The following EEFSEC variants were observed in gnomAD, a reference collection of about 807,000 sequenced individuals.
EEFSEC encodes the protein eukaryotic elongation factor, selenocysteine-tRNA specific, also known as selenocysteine-specific elongation factor.
In EEFSEC, 43 loss-of-function variants were observed where a neutral mutation model predicts 42.1. The ratio of observed to expected loss-of-function variants is 1.02; its 90% confidence interval spans 0.80 to 1.32. The LOEUF (loss-of-function observed/expected upper bound fraction) is 1.32, where lower values mean the gene tolerates loss of function less well. EEFSEC is among the 40% of genes most tolerant of loss of function. The pLI, the probability that EEFSEC is intolerant of heterozygous loss-of-function variation, is 0.00. For missense variants in EEFSEC, 745 were observed against 803.6 expected, an observed-to-expected ratio of 0.93 and a Z score of 0.88; for synonymous variants, 354 against 339.1, an observed-to-expected ratio of 1.04 and a Z score of -0.48.
intron 6 of EEFSEC, among the ~76,000 whole-genome samples, chr3:128,383,659 G>A (rs1245838908): frequency 1.3e-5 from 2 of 152,260 alleles, no homozygotes; most frequent in African/African-American, 2.4e-5. Context: ...TGGCCTGGAA[G>A]GCATCAGCCA....
At position 128,247,594 on chromosome 3, in the gene EEFSEC, A is replaced by G. The variant is rs552238538; in HGVS notation, c.524+551A>G. Among the ~76,000 whole-genome samples the G allele has an allele frequency of 7.9e-5, 12 of 152,382 alleles. No homozygotes were observed. The East Asian group carries it at 2.3e-3, about 29-fold the overall frequency. On this transcript the variant is annotated intron_variant, in intron 2 of 6. Transcript: ENST00000254730. ...CAGATGGTTGTTGCTGCTGGAAGCCAGACTAGGAAACACCAAATCACAAAG... is the reference window on the plus strand; with the variant it reads ...CAGATGGTTGTTGCTGCTGGAAGCCGGACTAGGAAACACCAAATCACAAAG...
intron 2 of EEFSEC, among the ~76,000 whole-genome samples, chr3:128,248,003 G>T (rs960764718): frequency 2.0e-5 from 3 of 152,218 alleles, no homozygotes; most frequent in Non-Finnish European, 4.4e-5. Flanking sequence ...AGAAGGGCAG[G>T]GGTGCGGGAG....
intron 5 of EEFSEC, among the ~76,000 whole-genome samples, chr3:128,350,617 T>C (rs1408038124): frequency 6.6e-6 from 1 of 152,244 alleles, no homozygotes. Context: ...GTGTCTTGCT[T>C]GGCTGCTGGA....
At chr3:128,374,925 C>G (rs539357641) in intron 6 of EEFSEC, among the ~76,000 whole-genome samples, 3 of 152,244 alleles carry the variant, frequency 2.0e-5, no homozygotes, top group African/African-American at 4.8e-5. Flanking sequence ...AGCTCATGCT[C>G]TTAGCCCTGT....
chr3:128,170,510 A>AG (rs2065285074), intron 1 of EEFSEC, among the ~76,000 whole-genome samples: 1 of 152,176 alleles, frequency 6.6e-6, no homozygotes. Flanking sequence ...AAAAAAAAAA[A>AG]AAGCTTTCTT....
At chr3:128,407,218 A>C (rs2068125830) in intron 6 of EEFSEC, among the ~76,000 whole-genome samples, 1 of 152,198 alleles carries the variant, frequency 6.6e-6, no homozygotes, top group African/African-American at 2.4e-5. Flanking sequence ...GAGTTGAACA[A>C]AAGGTCTTTA....
At chr3:128,219,277 GCA>G (rs1371784779) in intron 1 of EEFSEC, among the ~76,000 whole-genome samples, 4 of 152,204 alleles carry the variant, frequency 2.6e-5, no homozygotes, top group Non-Finnish European at 5.9e-5. Context: ...TGTCCACACA[GCA>G]CAGAGTGACC....
chr3:128,197,739 C>G (rs748676807), intron 1 of EEFSEC, among the ~76,000 whole-genome samples: 6 of 152,142 alleles, frequency 3.9e-5, no homozygotes, highest in Non-Finnish European at 7.4e-5. Context: ...TAGCAACAAT[C>G]TGATTCTCAC....
chr3:128,175,056 C>T (rs942542457), intron 1 of EEFSEC, among the ~76,000 whole-genome samples: 3 of 152,046 alleles, frequency 2.0e-5, no homozygotes, highest in African/African-American at 4.8e-5. Flanking sequence ...ATGTCATCAT[C>T]GGCATTCTCT....
chr3:128,306,016 C>G (rs919378489), intron 4 of EEFSEC, among the ~76,000 whole-genome samples: 1 of 152,106 alleles, frequency 6.6e-6, no homozygotes, highest in African/African-American at 2.4e-5. Context: ...TTCTTTAACT[C>G]GAGTTATTTA....
chr3:128,284,581 T>C (rs1335721713), intron 4 of EEFSEC, among the ~76,000 whole-genome samples: 1 of 152,050 alleles, frequency 6.6e-6, no homozygotes, highest in Non-Finnish European at 1.5e-5. Flanking sequence ...CAGGGTTACC[T>C]GATGAGGGGA....
chr3:128,396,317 C>CG (rs2067981132), intron 6 of EEFSEC, among the ~76,000 whole-genome samples: 1 of 152,234 alleles, frequency 6.6e-6, no homozygotes, highest in African/African-American at 2.4e-5. Flanking sequence ...TCTCCAGCTA[C>CG]TGGCGAGGAC....
chr3:128,405,988 A>T (rs1266126350), intron 6 of EEFSEC, among the ~76,000 whole-genome samples: 2 of 152,218 alleles, frequency 1.3e-5, no homozygotes, highest in Admixed American at 1.3e-4. Flanking sequence ...CTCAGGAGCC[A>T]CCACCCACTG....
intron 1 of EEFSEC, among the ~76,000 whole-genome samples, chr3:128,163,757 G>A (rs138944707): frequency 2.2e-4 from 34 of 152,050 alleles, no homozygotes; most frequent in African/African-American, 7.0e-4. Flanking sequence ...TCTCTGGATT[G>A]ACCGGTCCTG....
chr3:128,294,802 G>A (rs2811518), intron 4 of EEFSEC, among the ~76,000 whole-genome samples: 127,532 of 152,246 alleles, frequency 0.84, 53,922 homozygotes, highest in East Asian at 0.99. Context: ...ATTCCAGACA[G>A]TTGGAATGGC....
chr3:128,167,245 G>T (rs948485524), intron 1 of EEFSEC, among the ~76,000 whole-genome samples: 3 of 152,146 alleles, frequency 2.0e-5, no homozygotes, highest in Non-Finnish European at 4.4e-5. Context: ...CCCATCTTAT[G>T]CCTTTTCTGT....
intron 2 of EEFSEC, among the ~76,000 whole-genome samples, chr3:128,261,533 T>C (rs547119270): frequency 1.3e-4 from 19 of 150,544 alleles, no homozygotes; most frequent in Non-Finnish European, 2.5e-4. Flanking sequence ...TTATGGGTTA[T>C]TTATTTTCTC....
At chr3:128,373,943 C>A (rs546192785) in intron 6 of EEFSEC, among the ~76,000 whole-genome samples, 46 of 152,358 alleles carry the variant, frequency 3.0e-4, no homozygotes, top group Non-Finnish European at 3.2e-4. Context: ...CCAGCACTTT[C>A]CACATGTCAC....
rs2066134468 is a variant in EEFSEC, at chr3:128,246,909, C to T, written c.390C>T (p.Cys130=). 1.2e-6 allele frequency: 2 copies of T among 1,614,202 alleles called. No individual in the cohort carries two copies. The highest frequency in any genetic ancestry group is 1.3e-5 in the African/African-American group (1 of 75,056). ...TKGMQTQSAE[C]LVIGQIACQK... is the part of the protein sequence containing the mutation. The stretch of plus-strand genomic sequence containing the variant: ...GGATGCAGACCCAGTCAGCGGAATG[C>T]CTTGTGATCGGCCAGATTGCCTGCC... The change falls in exon 2 of 7, where the codon TGC becomes TGT. Residue 130 remains cysteine (C), a synonymous_variant. Transcript: ENST00000254730.
Sources: allele counts gnomAD v4.1 joint callset (sites outside exome capture counted in the v4.1 genomes callset), GRCh38; gene constraint gnomAD v4.1.1; transcripts MANE v1.5; gene names NCBI Gene and HGNC (gene_info 2026-07-23, HGNC 2026-07-21).